Variants in INTS10 observed in about 807,000 individuals in gnomAD.
INTS10 encodes the protein integrator complex subunit 10.
INTS10 carries 44 observed loss-of-function variants against 94.4 expected under a neutral mutation model. The ratio of observed to expected loss-of-function variants is 0.47; its 90% CI spans 0.37 to 0.60. INTS10 has a LOEUF of 0.60. INTS10 is among the 20% of genes least tolerant of loss of function. The pLI is 0.00. For missense variants in INTS10, 797 were observed against 868.7 expected, an observed-to-expected ratio of 0.92 and a Z score of 1.04; for synonymous variants, 341 against 320.7, an observed-to-expected ratio of 1.06 and a Z score of -0.68.
At chr8:19,818,196 G>C in intron 1 of INTS10, 79 bp from the exon 2 acceptor site, 1 of 1,388,258 alleles carries the variant, frequency 7.2e-7, no homozygotes, top group Non-Finnish European at 1.0e-6. Context: ...TCCTGCAGGA[G>C]GGCCAACGAG....
intron 9 of INTS10, among the ~76,000 whole-genome samples, chr8:19,830,033 G>A (rs766049460): frequency 6.6e-6 from 1 of 152,032 alleles, no homozygotes; most frequent in Non-Finnish European, 1.5e-5. Context: ...ATCATGTCAC[G>A]TATTAGAAAA....
intron 1 of INTS10, 58 bp from the exon 2 acceptor site, chr8:19,818,217 T>C: frequency 6.5e-7 from 1 of 1,544,890 alleles, no homozygotes; most frequent in Non-Finnish European, 8.9e-7. Context: ...CGATGCTGGA[T>C]GAGCTGGGAG....
At chr8:19,829,137 C>A (rs1054755685) in intron 9 of INTS10, among the ~76,000 whole-genome samples, 10 of 151,934 alleles carry the variant, frequency 6.6e-5, no homozygotes, top group Non-Finnish European at 5.9e-5. Flanking sequence ...TTTAGGTTTT[C>A]TTTTATCATT....
At position 19,817,431 on chromosome 8, in the gene INTS10, C is replaced by T. The variant is rs1172226741; in HGVS notation, c.-107C>T. Reference sequence around the variant, plus strand: ...GTGCGCCTCCAGACATGCGCAGTAGCCTCCCCCGCGGTGGCGGCGGCGGCG... The same window carrying T: ...GTGCGCCTCCAGACATGCGCAGTAGTCTCCCCCGCGGTGGCGGCGGCGGCG... On this transcript the variant is annotated 5_prime_UTR_variant, in exon 1 of 17. Transcript: ENST00000397977. 1 of 1,463,492 alleles carries T rather than the reference C, an allele frequency of 6.8e-7. No homozygotes were observed. Among genetic ancestry groups the T allele is most frequent in the Non-Finnish European group, 9.1e-7 (1 of 1,096,170 alleles). The allele number at this position is 1,463,492 out of a possible 1,614,324, so 90.7% of individuals were successfully genotyped here.
rs1408479754 is a variant in INTS10, at chr8:19,846,054, G to T, written c.1976+257G>T. The T allele has an allele frequency of 2.6e-6, 1 of 388,532 alleles. No homozygotes were observed. Among genetic ancestry groups the T allele is most frequent in the African/African-American group, 2.0e-5 (1 of 49,672 alleles). The allele number at this position is 388,532 out of a possible 1,614,324, so 24.1% of individuals were successfully genotyped here. The stretch of plus-strand genomic sequence containing the variant: ...TTCACTAGACAAAAGTCTCATTCAT[G>T]ATATCTTTTACTTTCAAAAATTTAT... On this transcript the variant is annotated intron_variant, in intron 16 of 16. Coordinates refer to ENST00000397977, the MANE Select transcript of INTS10 (RefSeq NM_018142.4). This position sits in a 1 kb window ranked among gnomAD's most constrained non-coding sequence, Gnocchi z 4.2.
At chr8:19,818,092 G>T (rs1193756389) in intron 1 of INTS10, 183 bp from the exon 2 acceptor site, 2 of 635,682 alleles carry the variant, frequency 3.1e-6, no homozygotes, top group Non-Finnish European at 5.7e-6. Flanking sequence ...GAGATTGCAG[G>T]TGAACCCCAG....
intron 3 of INTS10, 80 bp from the exon 4 acceptor site, chr8:19,820,299 G>T: frequency 1.4e-6 from 2 of 1,398,574 alleles, no homozygotes; most frequent in South Asian, 1.4e-5. Flanking sequence ...TTCTGTACAT[G>T]AAAATGCCTT....
intron 13 of INTS10, among the ~76,000 whole-genome samples, chr8:19,840,231 A>G (rs1235081690): frequency 1.3e-5 from 2 of 152,192 alleles, no homozygotes; most frequent in African/African-American, 4.8e-5. Context: ...AATGAAAGAT[A>G]TGCAAAACCT....
rs1365380782 is a variant in INTS10 at position 19,824,932 on chromosome 8, A to G, written c.966A>G (p.Ala322=). ...YSTMLVFFKN[A]FQYVNSIQPS... ...CCATGCTGGTCTTCTTTAAGAATGC[A>G]TTCCAGTATGTCAACAGCATACAGC... The change falls in exon 8 of 17, where the codon GCA becomes GCG. Residue 322 remains alanine (A), a synonymous_variant. Coordinates refer to ENST00000397977, the MANE Select transcript of INTS10 (RefSeq NM_018142.4). 12 of 1,614,006 alleles carry G rather than the reference A, an allele frequency of 7.4e-6. No homozygotes were observed. Among genetic ancestry groups the G allele is most frequent in the Non-Finnish European group, 1.0e-5 (12 of 1,179,974 alleles).
At chr8:19,837,877 G>T (rs2067789647) in intron 13 of INTS10, among the ~76,000 whole-genome samples, 1 of 151,750 alleles carries the variant, frequency 6.6e-6, no homozygotes, top group Non-Finnish European at 1.5e-5. Context: ...AAGGAGGAAG[G>T]TGAACATAAA....
Position 19,817,676 on chromosome 8 carries a change from C to G in INTS10, c.129+10C>G, listed in dbSNP as rs1483158285. ...AGACTTTAACATCCAGGTGAGGTCC[C>G]GGCTGTGCATGCGGCCGCTCTGCGT... is the stretch of plus-strand genomic sequence containing the variant. On this transcript the variant is annotated intron_variant, in intron 1 of 16. Coordinates refer to ENST00000397977, the MANE Select transcript of INTS10 (RefSeq NM_018142.4). 4 of 1,601,378 alleles carry G rather than the reference C, an allele frequency of 2.5e-6. No homozygotes were observed. The highest frequency in any genetic ancestry group is 1.1e-5 in the South Asian group (1 of 89,290).
intron 12 of INTS10, among the ~76,000 whole-genome samples, chr8:19,834,012 A>G (rs979319123): frequency 2.0e-5 from 3 of 151,888 alleles, no homozygotes; most frequent in African/African-American, 7.3e-5. Context: ...GTCTCAAAAA[A>G]AAAAAAAAAA....
Position 19,845,338 on chromosome 8 carries a change from C to CA in INTS10, c.1883-359dup, listed in dbSNP as rs532839589. The CA allele has an allele frequency of 2.4e-4, 41 of 169,132 alleles. No homozygotes were observed. The East Asian group carries it at 4.8e-3, about 20-fold the overall frequency. The allele number at this position is 169,132 out of a possible 1,614,324, so 10.5% of individuals were successfully genotyped here. A position where few individuals can be genotyped will look rare whatever the true frequency, so the allele number is the denominator to read the frequency against. The stretch of plus-strand genomic sequence containing the variant: ...CCTCTTTCATTTCTTATTAAGAAAA[C>CA]AAAAAAATTTTGCTCTTGTGACCAT... On this transcript the variant is annotated intron_variant, in intron 15 of 16. Transcript: ENST00000397977.
chr8:19,822,171 T>C (rs2066430015), intron 4 of INTS10: 1 of 255,242 alleles, frequency 3.9e-6, no homozygotes, highest in Non-Finnish European at 7.5e-6. Flanking sequence ...AGACATTTTG[T>C]TAATTCTTGT....
Position 19,845,804 on chromosome 8 carries a change from A to G in INTS10, c.1976+7A>G, listed in dbSNP as rs574168596. ...ATCAAGGAATGCTGATCAAGTAAGC[A>G]TGTTCTCTTTTGCTCTTCCATGCTG... On this transcript the variant is annotated splice_region_variant and intron_variant, in intron 16 of 16. Transcript: ENST00000397977. 2 of 1,602,754 alleles carry G rather than the reference A, an allele frequency of 1.2e-6. No homozygotes were observed. The highest frequency in any genetic ancestry group is 1.7e-5 in the Admixed American group (1 of 60,008).
In INTS10 at chr8:19,844,335, A is replaced by T. The variant is rs1590055878; in HGVS notation, c.1882+97A>T. 7 of 942,610 alleles carry T rather than the reference A, an allele frequency of 7.4e-6. No individual in the cohort carries two copies. In the East Asian group the frequency reaches 1.6e-4, roughly 21 times the overall value. The allele number at this position is 942,610 out of a possible 1,614,324, so 58.4% of individuals were successfully genotyped here. ...TGAACCATTCTGGATAGAAATAATGATTTTTACTATTTTGCAGCGAAGAGA... is the reference window on the plus strand; with the variant it reads ...TGAACCATTCTGGATAGAAATAATGTTTTTTACTATTTTGCAGCGAAGAGA... On this transcript the variant is annotated intron_variant, in intron 15 of 16. Coordinates refer to ENST00000397977, the MANE Select transcript of INTS10 (RefSeq NM_018142.4).
intron 9 of INTS10, among the ~76,000 whole-genome samples, chr8:19,829,516 A>G (rs1310822756): frequency 2.0e-5 from 3 of 152,228 alleles, no homozygotes; most frequent in African/African-American, 7.2e-5. Context: ...AGAGGGCTTT[A>G]CTAGGTAAGT....
At position 19,826,032 on chromosome 8, in the gene INTS10, A is replaced by T. The variant is rs1177639380; in HGVS notation, c.1007-394A>T. ...TGACGTTTCTCATGACAGTTGAGTA[A>T]GCTTCTCCCTTATTTTAAGAATTCT... On this transcript the variant is annotated intron_variant, in intron 8 of 16. Transcript: ENST00000397977. Among the ~76,000 whole-genome samples the T allele has an allele frequency of 3.3e-5, 5 of 152,128 alleles. No individual in the cohort carries two copies. In the East Asian group the frequency reaches 5.8e-4, roughly 18 times the overall value.
Position 19,820,511 on chromosome 8 carries a change from A to G in INTS10, c.434A>G (p.Gln145Arg). ...AGGCGCTTCCCTGAAACGGTGGTGC[A>G]GCATGGGGTGAGATTTGATTCTTCC... The part of the protein sequence containing the change: ...LLRRFPETVV[Q>R]HGVGLGEALL... The change falls in exon 4 of 17, where the codon CAG (glutamine) becomes CGG (arginine). Residue 145 changes from glutamine to arginine, a missense_variant. Gln to Arg is a conservative substitution (Grantham distance 43). Transcript: ENST00000397977. 5 of 1,610,502 alleles carry G rather than the reference A, an allele frequency of 3.1e-6. No homozygotes were observed. The highest frequency in any genetic ancestry group is 4.2e-6 in the Non-Finnish European group (5 of 1,177,762).
Sources: gnomAD v4.1 joint callset for allele counts (sites outside exome capture counted in the v4.1 genomes callset) on GRCh38, gnomAD v4.1.1 for gene constraint, Gnocchi (gnomAD v3.1) non-coding constraint, MANE v1.5 for transcripts, NCBI Gene and HGNC (gene_info 2026-07-23, HGNC 2026-07-21) for gene names.